Variants in PPIL6 observed in about 807,000 individuals in gnomAD.
PPIL6 encodes the protein probable inactive peptidyl-prolyl cis-trans isomerase-like 6.
Under a neutral mutation model 36.8 loss-of-function variants are expected in PPIL6, and 39 were observed. The observed-to-expected ratio is 1.06, with a 90% CI of 0.82 to 1.38. The LOEUF (loss-of-function observed/expected upper bound fraction) is 1.38, where lower values mean the gene tolerates loss of function less well. Among genes scored for constraint, PPIL6 ranks in the 40% most tolerant of loss-of-function variants. The pLI is 0.00. For synonymous variants in PPIL6, 123 were observed against 134.1 expected (o/e 0.92, Z 0.57); for missense variants, 368 against 379.1 (o/e 0.97, Z 0.24).
At chr6:109,398,095 T>C (rs983315617) in intron 7 of PPIL6, among the ~76,000 whole-genome samples, 1 of 152,174 alleles carries the variant, frequency 6.6e-6, no homozygotes, top group Non-Finnish European at 1.5e-5. Flanking sequence ...TTTCACCATG[T>C]TGGCCAGGAT....
chr6:109,409,578 AG>A (rs1182226553), intron 6 of PPIL6, among the ~76,000 whole-genome samples: 1 of 132,026 alleles, frequency 7.6e-6, no homozygotes, highest in African/African-American at 2.7e-5. Context: ...AAAAAAAAAA[AG>A]AAAGAGGTCA....
At chr6:109,407,288 G>A (rs1180890161) in intron 6 of PPIL6, among the ~76,000 whole-genome samples, 4 of 150,920 alleles carry the variant, frequency 2.7e-5, no homozygotes, top group Admixed American at 6.6e-5. Flanking sequence ...CGCCCAGGCC[G>A]GACTGCAGTG....
In PPIL6 at chr6:109,400,069, T is replaced by A; in HGVS notation, c.790A>T (p.Thr264Ser). The A allele has an allele frequency of 1.2e-6, 2 of 1,613,244 alleles. No homozygotes were observed. Among genetic ancestry groups the A allele is most frequent in the Non-Finnish European group, 1.7e-6 (2 of 1,179,398 alleles). Residue 264 changes from threonine (T) to serine (S), a missense_variant, in exon 7 of 8, where the codon ACT becomes TCT. Coordinates refer to ENST00000521072, the MANE Select transcript of PPIL6 (RefSeq NM_173672.5). The part of the protein sequence containing the change: ...GSQFYITLQA[T>S]PYLDRKFVAF... ...ACAAATTTTCTATCTAGATAAGGAG[T>A]TGCTTGCAGTGTGATATAGAATTGT...
chr6:109,398,452 T>C (rs1214070404), intron 7 of PPIL6, among the ~76,000 whole-genome samples: 1 of 152,188 alleles, frequency 6.6e-6, no homozygotes, highest in Admixed American at 6.5e-5. Context: ...ATTATCCCTA[T>C]GGAGTGGGTG....
intron 3 of PPIL6, among the ~76,000 whole-genome samples, chr6:109,430,552 G>A (rs958873141): frequency 2.0e-5 from 3 of 151,848 alleles, no homozygotes; most frequent in Admixed American, 6.6e-5. Flanking sequence ...TCAGCCTCCC[G>A]AGTAGCTGGG....
chr6:109,392,948 GA>G lies in PPIL6; in HGVS notation c.825-12del. The G allele has an allele frequency of 1.3e-6, 2 of 1,494,442 alleles. No individual in the cohort carries two copies. Among genetic ancestry groups the G allele is most frequent in the East Asian group, 2.3e-5 (1 of 44,088 alleles). The allele number at this position is 1,494,442 out of a possible 1,614,324, so 92.6% of individuals were successfully genotyped here. ...CCTTCAATCAGTTGCCTACATAGGA[GA>G]AAAAAATGGAAAATTTAGTCAGTCA... On this transcript the variant is annotated splice_polypyrimidine_tract_variant and intron_variant, in intron 7 of 7. Coordinates refer to ENST00000521072, the MANE Select transcript of PPIL6 (RefSeq NM_173672.5).
intron 6 of PPIL6, among the ~76,000 whole-genome samples, chr6:109,411,077 A>T (rs12110712): frequency 0.011 from 1,747 of 152,250 alleles, 38 homozygotes; most frequent in African/African-American, 0.04. Context: ...TTCCCTTAGG[A>T]GTAGCTTTCC....
At chr6:109,433,985 A>G (rs1774307685) in intron 2 of PPIL6, among the ~76,000 whole-genome samples, 1 of 152,166 alleles carries the variant, frequency 6.6e-6, no homozygotes, top group Non-Finnish European at 1.5e-5. Context: ...ATCCACACCA[A>G]TTTCCTAGAG....
intron 6 of PPIL6, among the ~76,000 whole-genome samples, chr6:109,401,165 C>T (rs1480579620): frequency 3.3e-5 from 5 of 151,902 alleles, no homozygotes; most frequent in African/African-American, 4.8e-5. Context: ...CGTAAGCCAC[C>T]GTGCCTGGCC....
Position 109,391,113 on chromosome 6 carries a change from C to T in PPIL6, c.*1713G>A, listed in dbSNP as rs1335857392. ...ACCATCCTGGCTAACATGGTGAAAT[C>T]CCATCTCTACTAAAAATACAAAAAA... On this transcript the variant is annotated 3_prime_UTR_variant, in exon 8 of 8. Transcript: ENST00000521072. 1 of 151,692 alleles carries T rather than the reference C, an allele frequency of 6.6e-6. No individual in the cohort carries two copies. Among genetic ancestry groups the T allele is most frequent in the Non-Finnish European group, 1.5e-5 (1 of 67,968 alleles). The allele number at this position is 151,692 out of a possible 1,614,324, so 9.4% of individuals were successfully genotyped here.
chr6:109,426,683 A>C (rs1435284151), intron 5 of PPIL6, among the ~76,000 whole-genome samples, 164 bp downstream of exon 5: 1 of 152,212 alleles, frequency 6.6e-6, no homozygotes, highest in African/African-American at 2.4e-5. Flanking sequence ...TGTTTTTTAA[A>C]GAATACAAAT....
At chr6:109,420,470 A>C (rs745983651) in intron 5 of PPIL6, among the ~76,000 whole-genome samples, 3 of 151,908 alleles carry the variant, frequency 2.0e-5, no homozygotes, top group African/African-American at 4.8e-5. Flanking sequence ...AAAGTTTCCT[A>C]TAATGTAACA....
intron 6 of PPIL6, among the ~76,000 whole-genome samples, chr6:109,411,507 T>A (rs959169812): frequency 6.6e-6 from 1 of 152,226 alleles, no homozygotes; most frequent in African/African-American, 2.4e-5. Context: ...AAAAGATCTA[T>A]GAACAAGCTA....
At chr6:109,416,769 T>C (rs1773280787) in intron 6 of PPIL6, among the ~76,000 whole-genome samples, 1 of 152,208 alleles carries the variant, frequency 6.6e-6, no homozygotes, top group African/African-American at 2.4e-5. Context: ...AGTTGTCATA[T>C]AATAGCTTTG....
In PPIL6 at chr6:109,426,939, C is replaced by G. The variant is rs749968236; in HGVS notation, c.539G>C (p.Gly180Ala). Residue 180 changes from glycine to alanine, a missense_variant, in exon 5 of 8, where the codon GGA becomes GCA. By Grantham distance (60) the Gly-to-Ala change is moderately conservative. Coordinates refer to ENST00000521072, the MANE Select transcript of PPIL6 (RefSeq NM_173672.5). ...TCKNFQVLCT[G>A]KAGFSQRGIR... ...GCCACGTTGAGAAAACCCTGCTTTT[C>G]CTGTGCACAAGACCTGAAAATTTTT... is the stretch of plus-strand genomic sequence containing the variant. 3.7e-6 allele frequency: 6 copies of G among 1,608,144 alleles called. No homozygotes were observed. Among genetic ancestry groups the G allele is most frequent in the Non-Finnish European group, 5.1e-6 (6 of 1,175,356 alleles).
intron 3 of PPIL6, among the ~76,000 whole-genome samples, chr6:109,430,716 C>T (rs1034604631): frequency 6.6e-6 from 1 of 152,164 alleles, no homozygotes; most frequent in Non-Finnish European, 1.5e-5. Context: ...TGAGCCACCG[C>T]GCCCGGCCTG....
At chr6:109,436,749 AAAC>A (rs1774471123) in intron 1 of PPIL6, among the ~76,000 whole-genome samples, 1 of 152,064 alleles carries the variant, frequency 6.6e-6, no homozygotes. Flanking sequence ...AAACAAAACA[AAAC>A]AAAAAAAACT....
At chr6:109,400,990 G>T (rs1772507426) in intron 6 of PPIL6, among the ~76,000 whole-genome samples, 1 of 150,722 alleles carries the variant, frequency 6.6e-6, no homozygotes, top group African/African-American at 2.4e-5. Flanking sequence ...CTCCCGAGTA[G>T]CTGGGACTAC....
At chr6:109,425,327 C>T (rs1189201509) in intron 5 of PPIL6, among the ~76,000 whole-genome samples, 5 of 152,174 alleles carry the variant, frequency 3.3e-5, no homozygotes, top group African/African-American at 7.2e-5. Flanking sequence ...AAGATCTGTG[C>T]ACTTTACTAT....
Sources: gnomAD v4.1 joint callset for allele counts (sites outside exome capture counted in the v4.1 genomes callset) on GRCh38, gnomAD v4.1.1 for gene constraint, MANE v1.5 for transcripts, NCBI Gene and HGNC (gene_info 2026-07-23, HGNC 2026-07-21) for gene names.